The following FLT3 variants were observed in gnomAD, a reference collection of about 807,000 sequenced individuals.
FLT3 encodes fms related receptor tyrosine kinase 3, also known as receptor-type tyrosine-protein kinase FLT3.
A neutral mutation model predicts 126.6 loss-of-function variants in FLT3; 46 were observed. The observed-to-expected ratio is 0.36, with a 90% CI of 0.29 to 0.46. The LOEUF is 0.46. Ranked by LOEUF, FLT3 falls within the 20% of genes least tolerant of loss-of-function variation. FLT3 has a pLI of 1.00. For missense variants in FLT3, 1,069 were observed against 1,190.3 expected (o/e 0.90, Z 1.50); for synonymous variants, 404 against 434.4 (o/e 0.93, Z 0.87).
chr13:28,061,983 A>G lies in FLT3; in HGVS notation c.252T>C (p.Asp84=). The change falls in exon 3 of 24, where the codon GAT becomes GAC. Residue 84 remains aspartate, a synonymous_variant. Coordinates refer to ENST00000241453, the MANE Select transcript of FLT3 (RefSeq NM_004119.3). ...CTTGCAGTGTGATGGAAGCAGATAC[A>G]TCCACTTCCACAGCGGCAGCTTCGT... The part of the protein sequence containing the change: ...TVYEAAAVEV[D]VSASITLQVL... 5.0e-6 allele frequency: 8 copies of G among 1,613,704 alleles called. No individual in the cohort carries two copies. The highest frequency in any genetic ancestry group is 6.8e-6 in the Non-Finnish European group (8 of 1,179,880).
chr13:28,037,360 C>T, intron 9 of FLT3, 72 bp from the exon 10 acceptor site: 1 of 876,890 alleles, frequency 1.1e-6, no homozygotes, highest in Non-Finnish European at 1.9e-6. Context: ...TGACAGTGTG[C>T]ATGGGAGGTG....
At chr13:28,046,164 T>G (rs535816922) in intron 9 of FLT3, among the ~76,000 whole-genome samples, 1 of 151,690 alleles carries the variant, frequency 6.6e-6, no homozygotes, top group Non-Finnish European at 1.5e-5. Context: ...TTTGGGGGAG[T>G]GTGTTTCAGT....
rs201609515 is a variant in FLT3 at position 28,049,641 on chromosome 13, G to C, written c.876C>G (p.Leu292=). 1 of 1,613,952 alleles carries C rather than the reference G, an allele frequency of 6.2e-7. No homozygotes were observed. The change falls in exon 7 of 24, where the codon CTC becomes CTG. Residue 292 remains leucine (L), a synonymous_variant. Transcript: ENST00000241453. ...GLTWELENKA[L]EEGNYFEMST... is the part of the protein sequence containing the mutation. ...TACAAACTTGTCCTATTACCTCCTC[G>C]AGTGCTTTGTTTTCTAATTCCCAGG...
At chr13:28,045,981 G>C (rs1874833377) in intron 9 of FLT3, among the ~76,000 whole-genome samples, 1 of 148,554 alleles carries the variant, frequency 6.7e-6, no homozygotes, top group African/African-American at 2.5e-5. Flanking sequence ...TCTCAATTTG[G>C]CAGTGTCTGG....
intron 23 of FLT3, chr13:28,009,418 T>A (rs1346530613): frequency 6.6e-6 from 1 of 152,264 alleles, no homozygotes; most frequent in African/African-American, 2.4e-5. Flanking sequence ...TTCCCAGGCA[T>A]CCTCTGTGGT....
At chr13:28,083,184 T>C (rs1247961092) in intron 1 of FLT3, among the ~76,000 whole-genome samples, 1 of 152,182 alleles carries the variant, frequency 6.6e-6, no homozygotes, top group Non-Finnish European at 1.5e-5. Flanking sequence ...TTTTTGTCAG[T>C]AATGGATATT....
chr13:28,029,892 G>A (rs1405899134), intron 15 of FLT3, among the ~76,000 whole-genome samples: 1 of 152,208 alleles, frequency 6.6e-6, no homozygotes, highest in Non-Finnish European at 1.5e-5. Context: ...GAAGCACAGT[G>A]TGAGGAAAGT....
chr13:28,090,605 C>A (rs146704967), intron 1 of FLT3, among the ~76,000 whole-genome samples: 1 of 151,972 alleles, frequency 6.6e-6, no homozygotes, highest in African/African-American at 2.4e-5. Flanking sequence ...TGGCAAAGCC[C>A]CATCTCTACC....
intron 15 of FLT3, 150 bp downstream of exon 15, chr13:28,033,737 T>G (rs1254131896): frequency 1.5e-6 from 1 of 645,946 alleles, no homozygotes; most frequent in African/African-American, 1.8e-5. Context: ...TATTCATGAC[T>G]GGGTTGACAC....
chr13:28,032,059 G>T (rs1211723087), intron 15 of FLT3, among the ~76,000 whole-genome samples: 5 of 152,172 alleles, frequency 3.3e-5, no homozygotes, highest in East Asian at 1.9e-4. Context: ...AGCTCACAGG[G>T]TGTTAGAAAG....
chr13:28,079,831 A>G (rs948654272), intron 1 of FLT3, among the ~76,000 whole-genome samples: 1 of 152,194 alleles, frequency 6.6e-6, no homozygotes, highest in African/African-American at 2.4e-5. Context: ...ATACAATTCA[A>G]GTTGAGATTT....
At chr13:28,059,426 G>A (rs760607234) in intron 3 of FLT3, among the ~76,000 whole-genome samples, 1 of 152,144 alleles carries the variant, frequency 6.6e-6, no homozygotes, top group African/African-American at 2.4e-5. Flanking sequence ...AGGACAGCAG[G>A]GGGCAGCAAT....
intron 9 of FLT3, among the ~76,000 whole-genome samples, chr13:28,040,699 T>C (rs747693539): frequency 3.9e-5 from 6 of 152,132 alleles, no homozygotes; most frequent in Non-Finnish European, 7.4e-5. Context: ...TTTCAGGCAG[T>C]TAAAAGTTGA....
chr13:28,085,515 A>T (rs1278387661), intron 1 of FLT3, among the ~76,000 whole-genome samples: 1 of 152,148 alleles, frequency 6.6e-6, no homozygotes, highest in East Asian at 1.9e-4. Context: ...CAATTATTGA[A>T]GGAGAAGGAG....
At chr13:28,017,915 C>T (rs777935909) in intron 20 of FLT3, among the ~76,000 whole-genome samples, 3 of 152,068 alleles carry the variant, frequency 2.0e-5, no homozygotes, top group Non-Finnish European at 4.4e-5. Context: ...CTGCCCTCCT[C>T]GGCCTCCCAA....
At chr13:28,019,097 T>G (rs1593221138) in intron 19 of FLT3, among the ~76,000 whole-genome samples, 1 of 151,966 alleles carries the variant, frequency 6.6e-6, no homozygotes, top group African/African-American at 2.4e-5. Flanking sequence ...CCTCCCGAGT[T>G]GCTGGGATTA....
At chr13:28,011,486 G>A (rs955346537) in intron 23 of FLT3, among the ~76,000 whole-genome samples, 11 of 149,226 alleles carry the variant, frequency 7.4e-5, no homozygotes, top group Non-Finnish European at 1.6e-4. Context: ...GGCTGCCTGC[G>A]TGGCTGTGTG....
In FLT3 at chr13:28,036,218, T is replaced by A. The variant is rs2491232; in HGVS notation, c.1310-175A>T. On this transcript the variant is annotated intron_variant, in intron 10 of 23. Transcript: ENST00000241453. ...GAAAATAATAAAATAAAATAAGCTC[T>A]TGGAGTATGGTACTTTCTGGAAATA... Among the ~76,000 whole-genome samples, 136,768 of 152,244 alleles carry A rather than the reference T, an allele frequency of 0.9. 61,998 individuals carry two copies. The highest frequency in any genetic ancestry group is 0.96 in the Non-Finnish European group (65,407 of 68,036).
At position 28,070,571 on chromosome 13, in the gene FLT3, C is replaced by A; in HGVS notation, c.85G>T (p.Asp29Tyr). 1.2e-6 allele frequency: 2 copies of A among 1,601,230 alleles called. No homozygotes were observed. Among genetic ancestry groups the A allele is most frequent in the Non-Finnish European group, 1.7e-6 (2 of 1,169,286 alleles). The change falls in exon 2 of 24, where the codon GAT becomes TAT. Residue 29 changes from aspartate to tyrosine, a missense_variant. By Grantham distance (160) the Asp-to-Tyr change is radical. Coordinates refer to ENST00000241453, the MANE Select transcript of FLT3 (RefSeq NM_004119.3). ...AMIFGTITNQ[D>Y]LPVIKCVLIN... ...AAAACACACTTGATCACAGGCAGAT[C>A]TTGATTTGTAATAGTCCCAAATATC...
Sources: gnomAD v4.1 joint callset for allele counts (sites outside exome capture counted in the v4.1 genomes callset) on GRCh38, gnomAD v4.1.1 for gene constraint, MANE v1.5 for transcripts, NCBI Gene and HGNC (gene_info 2026-07-23, HGNC 2026-07-21) for gene names.